Variants in FOXN3 observed in about 807,000 individuals in gnomAD.
The protein encoded by FOXN3 is forkhead box protein N3.
Under a neutral mutation model 38.4 loss-of-function variants are expected in FOXN3, and 7 were observed. The observed-to-expected ratio is 0.18, with a 90% CI of 0.10 to 0.34. The LOEUF (loss-of-function observed/expected upper bound fraction) is 0.34, where lower values mean the gene tolerates loss of function less well. Ranked by LOEUF, FOXN3 falls within the 10% of genes least tolerant of loss-of-function variation. FOXN3 has a pLI of 1.00. For missense variants in FOXN3, 456 were observed against 613.4 expected, an observed-to-expected ratio of 0.74 and a Z score of 2.71; for synonymous variants, 230 against 242.2, an observed-to-expected ratio of 0.95 and a Z score of 0.47.
chr14:89,244,799 G>A (rs1184404204), intron 4 of FOXN3, among the ~76,000 whole-genome samples: 1 of 152,178 alleles, frequency 6.6e-6, no homozygotes, highest in Non-Finnish European at 1.5e-5. Flanking sequence ...GCTACAGCAC[G>A]ATGATAAAAT....
intron 4 of FOXN3, among the ~76,000 whole-genome samples, chr14:89,279,710 T>C (rs1188658041): frequency 6.6e-6 from 1 of 152,200 alleles, no homozygotes; most frequent in African/African-American, 2.4e-5. Context: ...ACGATGATTA[T>C]TAAAATTAGG....
intron 3 of FOXN3, among the ~76,000 whole-genome samples, chr14:89,324,430 A>T (rs1887981679): frequency 6.9e-6 from 1 of 144,758 alleles, no homozygotes; most frequent in Non-Finnish European, 1.5e-5. Context: ...GGTTTGAAAC[A>T]GCTAAGTGTG....
At chr14:89,602,567 G>A (rs960057209) in intron 1 of FOXN3, among the ~76,000 whole-genome samples, 1 of 151,834 alleles carries the variant, frequency 6.6e-6, no homozygotes, top group African/African-American at 2.4e-5. Flanking sequence ...CGCGATCTCG[G>A]CTCACTGCAA....
At position 89,412,243 on chromosome 14, in the gene FOXN3, C is replaced by T. The variant is rs1891563404; in HGVS notation, c.234G>A (p.Glu78=). The T allele has an allele frequency of 6.2e-7, 1 of 1,614,130 alleles. No homozygotes were observed. Among genetic ancestry groups the T allele is most frequent in the Non-Finnish European group, 8.5e-7 (1 of 1,180,036 alleles). Residue 78 remains glutamate, a synonymous_variant, in exon 2 of 6, where the codon GAG becomes GAA. Coordinates refer to ENST00000557258, the MANE Select transcript of FOXN3 (RefSeq NM_005197.4). This position sits in a 1 kb window ranked among gnomAD's most constrained non-coding sequence, Gnocchi z 4.7. ...CGGGGCTGACACTCCTGAGGACCGACTCCCCAAAGCTCTTCAGCAAGTTCT... is the reference window on the plus strand; with the variant it reads ...CGGGGCTGACACTCCTGAGGACCGATTCCCCAAAGCTCTTCAGCAAGTTCT... ...ESKNLLKSFG[E]SVLRSVSPVQ...
intron 5 of FOXN3, among the ~76,000 whole-genome samples, chr14:89,175,731 C>T (rs756153891): frequency 2.6e-5 from 4 of 152,132 alleles, no homozygotes; most frequent in Non-Finnish European, 5.9e-5. Context: ...ACAGGCCTTC[C>T]CCACATCAGC....
chr14:89,187,691 G>T (rs1887843400), intron 4 of FOXN3, among the ~76,000 whole-genome samples: 1 of 152,180 alleles, frequency 6.6e-6, no homozygotes, highest in African/African-American at 2.4e-5. Flanking sequence ...GGGGTAGGGG[G>T]CACGGAGAAA....
At chr14:89,502,666 T>A (rs953697557) in intron 1 of FOXN3, among the ~76,000 whole-genome samples, 1 of 152,200 alleles carries the variant, frequency 6.6e-6, no homozygotes, top group Non-Finnish European at 1.5e-5. Flanking sequence ...GATTTGAAGA[T>A]GTACAGTGTA....
chr14:89,494,954 T>C (rs1893648692), intron 1 of FOXN3, among the ~76,000 whole-genome samples: 1 of 152,216 alleles, frequency 6.6e-6, no homozygotes, highest in Non-Finnish European at 1.5e-5. Flanking sequence ...CATATCTCTG[T>C]CCTTATCAAT....
chr14:89,417,650 C>G (rs1467085143), upstream of FOXN3: 1 of 455,266 alleles, frequency 2.2e-6, no homozygotes, highest in Non-Finnish European at 4.4e-6. Context: ...CCTTACATGG[C>G]TCGAAAGTAA....
intron 4 of FOXN3, among the ~76,000 whole-genome samples, chr14:89,268,484 G>T (rs1204604751): frequency 6.6e-6 from 1 of 152,072 alleles, no homozygotes; most frequent in Non-Finnish European, 1.5e-5. Flanking sequence ...CATGACTCTC[G>T]ACTGTACATA....
At chr14:89,544,284 G>T (rs916491356) in intron 1 of FOXN3, among the ~76,000 whole-genome samples, 1 of 151,016 alleles carries the variant, frequency 6.6e-6, no homozygotes, top group Non-Finnish European at 1.5e-5. Context: ...CTCGTGATCC[G>T]CCCACCTCGG....
chr14:89,289,054 C>G (rs545729852), intron 3 of FOXN3, among the ~76,000 whole-genome samples: 1 of 151,060 alleles, frequency 6.6e-6, no homozygotes, highest in Non-Finnish European at 1.5e-5. Context: ...TGGTGGTGGG[C>G]GCCTATAACC....
chr14:89,440,297 T>C (rs189155879), intron 1 of FOXN3, among the ~76,000 whole-genome samples: 5 of 152,224 alleles, frequency 3.3e-5, no homozygotes, highest in Admixed American at 3.3e-4. Context: ...CCTGGTAACC[T>C]TTATAGGCCT....
rs143591804 is a variant in FOXN3 at position 89,458,461 on chromosome 14, C to A, written c.-14-45971G>T. ...TTGTGCTCCCTCAAAACTCAGCATG[C>A]GGGTAATCCATGGACGCCAACGGTC... On this transcript the variant is annotated intron_variant, in intron 1 of 6. Transcript: ENST00000345097. Among the ~76,000 whole-genome samples the A allele has an allele frequency of 1.7e-4, 26 of 152,242 alleles. No individual in the cohort carries two copies. In the East Asian group the frequency reaches 2.9e-3, roughly 17 times the overall value.
intron 3 of FOXN3, among the ~76,000 whole-genome samples, chr14:89,283,892 G>A (rs1049901104): frequency 1.3e-5 from 2 of 152,060 alleles, no homozygotes; most frequent in African/African-American, 2.4e-5. Context: ...ACAGAGTCTC[G>A]CTCTGTAGCC....
chr14:89,376,842 C>T (rs1260148014), intron 2 of FOXN3, among the ~76,000 whole-genome samples: 2 of 151,398 alleles, frequency 1.3e-5, no homozygotes, highest in Admixed American at 6.6e-5. Flanking sequence ...GGTGAAACCC[C>T]GTCTCTACTA....
At chr14:89,367,010 G>A (rs1415768397) in intron 2 of FOXN3, among the ~76,000 whole-genome samples, 1 of 152,184 alleles carries the variant, frequency 6.6e-6, no homozygotes, top group East Asian at 1.9e-4. Flanking sequence ...GTGACAGGGT[G>A]TGTGTACTAA....
intron 1 of FOXN3, among the ~76,000 whole-genome samples, chr14:89,462,193 A>G (rs767068155): frequency 6.6e-6 from 1 of 152,230 alleles, no homozygotes; most frequent in Non-Finnish European, 1.5e-5. Context: ...GGCTCTCCCA[A>G]TCATGAGGAT....
At chr14:89,524,295 A>AC (rs1377898155) in intron 1 of FOXN3, among the ~76,000 whole-genome samples, 2 of 135,528 alleles carry the variant, frequency 1.5e-5, no homozygotes, top group South Asian at 2.5e-4. Context: ...AATGGTGTGA[A>AC]ACCCGGGGGG....
Sources: allele counts gnomAD v4.1 joint callset (sites outside exome capture counted in the v4.1 genomes callset), GRCh38; gene constraint gnomAD v4.1.1; non-coding constraint Gnocchi (gnomAD v3.1); transcripts MANE v1.5; gene names NCBI Gene and HGNC (gene_info 2026-07-23, HGNC 2026-07-21).